The following CACNA1E variants were observed in gnomAD, a reference collection of about 807,000 sequenced individuals.
CACNA1E encodes voltage-dependent R-type calcium channel subunit alpha-1E.
A neutral mutation model predicts 259.2 loss-of-function variants in CACNA1E; 40 were observed. That is an observed-to-expected ratio of 0.15 (90% CI 0.12 to 0.20). CACNA1E has a LOEUF of 0.20. Among genes scored for constraint, CACNA1E ranks in the 10% least tolerant of loss-of-function variants. CACNA1E has a pLI of 1.00. For missense variants in CACNA1E, 1,874 were observed against 3,040.1 expected (o/e 0.62, Z 9.02); for synonymous variants, 1,104 against 1,138.5 (o/e 0.97, Z 0.61).
chr1:181,672,594 A>C (rs1648922704), intron 7 of CACNA1E, among the ~76,000 whole-genome samples: 1 of 152,220 alleles, frequency 6.6e-6, no homozygotes, highest in South Asian at 2.1e-4. Flanking sequence ...GCCAAGGCCA[A>C]GTTGTATCCC....
chr1:181,361,635 G>A (rs148883174), intron 1 of CACNA1E, among the ~76,000 whole-genome samples: 2 of 152,178 alleles, frequency 1.3e-5, no homozygotes, highest in Admixed American at 1.3e-4. Context: ...TCTCCTGCAA[G>A]CCTTTCTTCC....
At chr1:181,545,538 C>T (rs910756126) in intron 3 of CACNA1E, among the ~76,000 whole-genome samples, 48 of 152,200 alleles carry the variant, frequency 3.2e-4, no homozygotes, top group African/African-American at 1.0e-3. Context: ...CCTCCTCCCA[C>T]GTGAGGGTGT....
chr1:181,465,907 G>GTAGCC (rs3081232), intron 2 of CACNA1E, among the ~76,000 whole-genome samples: 23,708 of 152,106 alleles, frequency 0.16, 1,932 homozygotes, highest in South Asian at 0.21. Flanking sequence ...GATTGTGAGA[G>GTAGCC]TAGCCTAATA....
chr1:181,683,559 A>G (rs1452025722), intron 7 of CACNA1E, among the ~76,000 whole-genome samples: 1 of 152,154 alleles, frequency 6.6e-6, no homozygotes, highest in Non-Finnish European at 1.5e-5. Context: ...ATAGTACCCA[A>G]TAGGGAGTTT....
rs191954883 is a variant in CACNA1E at position 181,639,248 on chromosome 1, C to T, written c.952-12090C>T. On this transcript the variant is annotated intron_variant, in intron 6 of 47. Transcript: ENST00000367573. ...GACTACAGGTGCCTGCCACCATGCCCGGCTAATTTTTTCGTATTTTCAGTA... is the reference window on the plus strand; with the variant it reads ...GACTACAGGTGCCTGCCACCATGCCTGGCTAATTTTTTCGTATTTTCAGTA... Among the ~76,000 whole-genome samples, 349 of 152,184 alleles carry T rather than the reference C, an allele frequency of 2.3e-3. 4 individuals carry two copies. Among genetic ancestry groups the T allele is most frequent in the African/African-American group, 8.2e-3 (339 of 41,520 alleles).
intron 2 of CACNA1E, among the ~76,000 whole-genome samples, chr1:181,469,514 G>A (rs893310425): frequency 3.9e-5 from 6 of 152,132 alleles, no homozygotes; most frequent in African/African-American, 1.4e-4. Flanking sequence ...GTGCCCATTT[G>A]AGCCATGGTG....
intron 6 of CACNA1E, among the ~76,000 whole-genome samples, chr1:181,644,829 C>T (rs776293434): frequency 2.0e-5 from 3 of 152,152 alleles, no homozygotes; most frequent in Non-Finnish European, 4.4e-5. Context: ...TACCCAGTGG[C>T]AAAAGGGCCG....
In CACNA1E at chr1:181,804,435, A is replaced by G. The variant is rs1662491623; in HGVS notation, c.*5601A>G. 1 of 152,236 alleles carries G rather than the reference A, an allele frequency of 6.6e-6. No homozygotes were observed. The allele number at this position is 152,236 out of a possible 1,614,324, so 9.4% of individuals were successfully genotyped here. A position where few individuals can be genotyped will look rare whatever the true frequency, so the allele number is the denominator to read the frequency against. On this transcript the variant is annotated 3_prime_UTR_variant, in exon 48 of 48. Coordinates refer to ENST00000367573, the MANE Select transcript of CACNA1E (RefSeq NM_001205293.3). ...CTTAAAATATAACCCAAATTAATGAAGAACTGCCCCAAAACTTCAGTGAAA... is the reference window on the plus strand; with the variant it reads ...CTTAAAATATAACCCAAATTAATGAGGAACTGCCCCAAAACTTCAGTGAAA...
chr1:181,798,813 G>C lies in CACNA1E; in HGVS notation c.6921G>C (p.Thr2307=). 1 of 1,526,928 alleles carries C rather than the reference G, an allele frequency of 6.5e-7. No homozygotes were observed. The highest frequency in any genetic ancestry group is 8.8e-7 in the Non-Finnish European group (1 of 1,138,148). The allele number at this position is 1,526,928 out of a possible 1,614,324, so 94.6% of individuals were successfully genotyped here. The change falls in exon 48 of 48, where the codon ACG becomes ACC. Residue 2307 remains threonine, a synonymous_variant. Transcript: ENST00000367573. This position sits in a 1 kb window ranked among gnomAD's most constrained non-coding sequence, Gnocchi z 4.2. ...CGAVNNLLSD[T]EEDDKC Reference sequence around the variant, plus strand: ...CTGTCAACAACCTGCTAAGTGACACGGAAGAAGATGACAAATGCTAGAGGC... The same window carrying C: ...CTGTCAACAACCTGCTAAGTGACACCGAAGAAGATGACAAATGCTAGAGGC...
intron 6 of CACNA1E, among the ~76,000 whole-genome samples, chr1:181,590,119 C>T (rs1047146810): frequency 5.3e-5 from 8 of 152,128 alleles, no homozygotes; most frequent in Non-Finnish European, 7.4e-5. Context: ...AGCTGTTTGG[C>T]CACAGCGAAG....
intron 1 of CACNA1E, among the ~76,000 whole-genome samples, chr1:181,492,363 A>G (rs1366078092): frequency 6.6e-6 from 1 of 152,224 alleles, no homozygotes; most frequent in Non-Finnish European, 1.5e-5. Context: ...TTTATAATTC[A>G]TATTGATTAT....
chr1:181,585,529 G>A (rs1251115999), intron 6 of CACNA1E, among the ~76,000 whole-genome samples: 1 of 152,110 alleles, frequency 6.6e-6, no homozygotes. Flanking sequence ...TAGAACATAA[G>A]GAAAACATAT....
At position 181,614,116 on chromosome 1, in the gene CACNA1E, A is replaced by G. The variant is rs148445068; in HGVS notation, c.951+33340A>G. On this transcript the variant is annotated intron_variant, in intron 6 of 47. Coordinates refer to ENST00000367573, the MANE Select transcript of CACNA1E (RefSeq NM_001205293.3). ...GCACCCATGTAAAAGCTGCATTTTT[A>G]ATATGAGATAAAAAGATATTTCACA... Among the ~76,000 whole-genome samples, 7 of 152,314 alleles carry G rather than the reference A, an allele frequency of 4.6e-5. No individual in the cohort carries two copies. The East Asian group carries it at 1.4e-3, about 29-fold the overall frequency.
At position 181,732,973 on chromosome 1, in the gene CACNA1E, A is replaced by T; in HGVS notation, c.2887A>T (p.Arg963Trp). The change falls in exon 20 of 48, where the codon AGG becomes TGG. Residue 963 changes from arginine (R) to tryptophan (W), a missense_variant. Coordinates refer to ENST00000367573, the MANE Select transcript of CACNA1E (RefSeq NM_001205293.3). This position sits in a 1 kb window ranked among gnomAD's most constrained non-coding sequence, Gnocchi z 5.5. ...TGAAGGGGAGAAGGACCATGAGCTC[A>T]GGGGCAACCATGGTGCCAAGGAGCC... ...PTEGEKDHEL[R>W]GNHGAKEPTI... 1.2e-6 allele frequency: 2 copies of T among 1,612,866 alleles called. No homozygotes were observed. The highest frequency in any genetic ancestry group is 1.7e-6 in the Non-Finnish European group (2 of 1,179,004).
intron 1 of CACNA1E, among the ~76,000 whole-genome samples, chr1:181,501,469 A>G (rs1358101821): frequency 6.6e-6 from 1 of 152,226 alleles, no homozygotes; most frequent in Non-Finnish European, 1.5e-5. Flanking sequence ...TTTGGTCTAA[A>G]GTAATGAGAA....
At chr1:181,738,318 G>T in intron 23 of CACNA1E, 49 bp from the exon 24 acceptor site, 2 of 1,493,634 alleles carry the variant, frequency 1.3e-6, no homozygotes, top group Non-Finnish European at 1.9e-6. Flanking sequence ...TCATGTAGTA[G>T]CCTGTTGGCC....
chr1:181,368,382 A>G (rs1051610530), intron 1 of CACNA1E, among the ~76,000 whole-genome samples: 6 of 152,224 alleles, frequency 3.9e-5, no homozygotes, highest in African/African-American at 7.2e-5. Context: ...CAGAGAACCT[A>G]TGTACAAATC....
chr1:181,518,844 A>T (rs1666785247), intron 3 of CACNA1E, among the ~76,000 whole-genome samples: 1 of 152,210 alleles, frequency 6.6e-6, no homozygotes, highest in Non-Finnish European at 1.5e-5. Context: ...CAGAAGCTCC[A>T]TATGGACAGA....
At chr1:181,335,040 C>T (rs563626223) in intron 1 of CACNA1E, among the ~76,000 whole-genome samples, 163 of 152,336 alleles carry the variant, frequency 1.1e-3, no homozygotes, top group African/African-American at 3.7e-3. Flanking sequence ...TGTAGACTTG[C>T]TCTTCCCTCT....
Sources: gnomAD v4.1 joint callset for allele counts (sites outside exome capture counted in the v4.1 genomes callset) on GRCh38, gnomAD v4.1.1 for gene constraint, Gnocchi (gnomAD v3.1) non-coding constraint, MANE v1.5 for transcripts, NCBI Gene and HGNC (gene_info 2026-07-23, HGNC 2026-07-21) for gene names.